MSI2: variants seen among roughly 807,000 people sequenced by gnomAD.
The protein encoded by MSI2 is musashi RNA binding protein 2, also known as RNA-binding protein Musashi homolog 2.
MSI2 carries 17 observed loss-of-function variants against 45.6 expected under a neutral mutation model. That is an observed-to-expected ratio of 0.37 (90% CI 0.26 to 0.56). MSI2 has a LOEUF of 0.56. Among genes scored for constraint, MSI2 ranks in the 20% least tolerant of loss-of-function variants. The pLI, the probability that MSI2 is intolerant of heterozygous loss-of-function variation, is 0.77. For synonymous variants in MSI2, 156 were observed against 158.2 expected (o/e 0.99, Z 0.11); for missense variants, 293 against 444.2 (o/e 0.66, Z 3.06).
chr17:57,550,730 G>C (rs913772326), intron 7 of MSI2, among the ~76,000 whole-genome samples: 3 of 152,196 alleles, frequency 2.0e-5, no homozygotes, highest in Non-Finnish European at 4.4e-5. Flanking sequence ...CTGGGGAAGA[G>C]TCGAGGTTCA....
chr17:57,454,266 T>C (rs2085070539), intron 6 of MSI2, among the ~76,000 whole-genome samples: 1 of 152,106 alleles, frequency 6.6e-6, no homozygotes, highest in Admixed American at 6.6e-5. Flanking sequence ...AGGCCCACCA[T>C]CCGGTGTCAC....
the MSI2 span, among the ~76,000 whole-genome samples, chr17:57,695,161 A>G: frequency 2.0e-5 from 3 of 152,344 alleles, no homozygotes; most frequent in South Asian, 4.1e-4. Context: ...AAGTTCACAC[A>G]GCTAGTTAAT....
intron 5 of MSI2, among the ~76,000 whole-genome samples, chr17:57,398,365 A>C (rs1478153001): frequency 1.3e-5 from 2 of 152,186 alleles, no homozygotes; most frequent in Non-Finnish European, 2.9e-5. Flanking sequence ...ATGTTGGTAG[A>C]TCACGTTAGT....
Position 57,578,205 on chromosome 17 carries a change from G to A in MSI2, c.455-18663G>A, listed in dbSNP as rs540410952. 3.3e-5 allele frequency among the ~76,000 whole-genome samples: 5 copies of A among 151,964 alleles called. No homozygotes were observed. The South Asian group carries it at 6.3e-4, about 19-fold the overall frequency. ...ATAAATCTGAGTTGATTCTCTGCTG[G>A]TGACAGCCCAAGCTCTTTCCCACCA... On this transcript the variant is annotated intron_variant, in intron 7 of 13. Transcript: ENST00000284073.
At chr17:57,695,384 G>A in the MSI2 span, among the ~76,000 whole-genome samples, 2 of 152,176 alleles carry the variant, frequency 1.3e-5, no homozygotes, top group Non-Finnish European at 2.9e-5. Context: ...TAGCTGAGAG[G>A]TGTAATGGCA....
At chr17:57,431,037 G>C (rs1405707287) in intron 6 of MSI2, among the ~76,000 whole-genome samples, 1 of 152,208 alleles carries the variant, frequency 6.6e-6, no homozygotes, top group African/African-American at 2.4e-5. Flanking sequence ...TTTAACTGAG[G>C]ACCACGTGTT....
chr17:57,522,480 T>C (rs1370069779), intron 6 of MSI2: 1 of 151,976 alleles, frequency 6.6e-6, no homozygotes, highest in African/African-American at 2.4e-5. Context: ...CCCAGAGGAG[T>C]AGGACATTTC....
At chr17:57,474,172 G>A (rs80118282) in intron 6 of MSI2, among the ~76,000 whole-genome samples, 3 of 152,062 alleles carry the variant, frequency 2.0e-5, no homozygotes, top group Non-Finnish European at 2.9e-5. Context: ...TGGGCCACCG[G>A]TACTGTTTCC....
chr17:57,364,461 A>T (rs1283178128), intron 5 of MSI2, among the ~76,000 whole-genome samples: 1 of 152,228 alleles, frequency 6.6e-6, no homozygotes, highest in Non-Finnish European at 1.5e-5. Context: ...AACGGCATCA[A>T]GGATGGCAGA....
At chr17:57,674,353 T>C (rs1369635503) in intron 11 of MSI2, among the ~76,000 whole-genome samples, 1 of 151,860 alleles carries the variant, frequency 6.6e-6, no homozygotes, top group African/African-American at 2.4e-5. Context: ...AAATTTGTCA[T>C]TTAATGGATC....
At chr17:57,440,317 T>C (rs1482612083) in intron 6 of MSI2, among the ~76,000 whole-genome samples, 3 of 152,110 alleles carry the variant, frequency 2.0e-5, no homozygotes, top group South Asian at 4.1e-4. Flanking sequence ...GTGTTTGTCA[T>C]TCTTGTGACT....
At chr17:57,419,040 A>C (rs1329473890) in intron 6 of MSI2, among the ~76,000 whole-genome samples, 2 of 152,228 alleles carry the variant, frequency 1.3e-5, no homozygotes, top group Non-Finnish European at 2.9e-5. Flanking sequence ...TGAGGTTCTT[A>C]GTATGAAATG....
intron 6 of MSI2, among the ~76,000 whole-genome samples, chr17:57,523,202 A>C (rs7223006): frequency 0.79 from 119,959 of 152,088 alleles, 48,079 homozygotes; most frequent in African/African-American, 0.94. Flanking sequence ...CACACACCAC[A>C]ACGCCCACCT....
At chr17:57,642,549 C>G (rs1039415131) in intron 10 of MSI2, among the ~76,000 whole-genome samples, 1 of 152,156 alleles carries the variant, frequency 6.6e-6, no homozygotes, top group Non-Finnish European at 1.5e-5. Context: ...TCCTTTAGCC[C>G]AGGCCCAGCT....
chr17:57,312,581 A>G (rs1416832500), intron 5 of MSI2, among the ~76,000 whole-genome samples: 1 of 152,228 alleles, frequency 6.6e-6, no homozygotes, highest in East Asian at 1.9e-4. Context: ...TTGAAGAGAA[A>G]GTGACCCTTT....
chr17:57,364,682 C>T (rs985728597), intron 5 of MSI2, among the ~76,000 whole-genome samples: 2 of 152,118 alleles, frequency 1.3e-5, no homozygotes, highest in Non-Finnish European at 2.9e-5. Context: ...AGCAACCCAG[C>T]TCCCCCAGAT....
chr17:57,333,096 T>G (rs1914402642), intron 5 of MSI2, among the ~76,000 whole-genome samples: 1 of 152,118 alleles, frequency 6.6e-6, no homozygotes, highest in Non-Finnish European at 1.5e-5. Context: ...GCTGTCTCAC[T>G]TTAGTGGCTG....
intron 7 of MSI2, among the ~76,000 whole-genome samples, chr17:57,585,863 A>C (rs560147325): frequency 5.0e-4 from 76 of 152,358 alleles, no homozygotes; most frequent in African/African-American, 1.8e-3. Context: ...CGGAGGCGGC[A>C]CGTCCTCGTG....
intron 7 of MSI2, among the ~76,000 whole-genome samples, chr17:57,593,919 TGCAA>T (rs1905059988): frequency 6.6e-6 from 1 of 152,164 alleles, no homozygotes; most frequent in African/African-American, 2.4e-5. Flanking sequence ...TCGTGAATTG[TGCAA>T]GCAGAGGGCC....
Sources: gnomAD v4.1 joint callset for allele counts (sites outside exome capture counted in the v4.1 genomes callset) on GRCh38, gnomAD v4.1.1 for gene constraint, MANE v1.5 for transcripts, NCBI Gene and HGNC (gene_info 2026-07-23, HGNC 2026-07-21) for gene names.